The following AZI2 variants were observed in gnomAD, a reference collection of about 807,000 sequenced individuals.
AZI2 encodes 5-azacytidine induced 2.
In AZI2, 22 loss-of-function variants were observed where a neutral mutation model predicts 45.8. That is an observed-to-expected ratio of 0.48 (90% CI 0.34 to 0.69). The LOEUF is 0.69. AZI2 is among the 30% of genes least tolerant of loss of function. The probability of loss-of-function intolerance (pLI) is 0.01; values close to 1 mark genes in which losing one functional copy is unlikely to be tolerated. For missense variants in AZI2, 417 were observed against 441.5 expected (o/e 0.94, Z 0.50); for synonymous variants, 137 against 156.7 (o/e 0.87, Z 0.94).
rs1274835701 is a variant in AZI2 at position 28,324,453 on chromosome 3, G to A, written c.768C>T (p.Ala256=). ...KLKTSTAIKK[A]CAPVGCSEDL... is the part of the protein sequence containing the mutation. The stretch of plus-strand genomic sequence containing the variant: ...CTTCACTGCATCCTACAGGGGCACA[G>A]GCTAAAAAGAAAACACAGACTAAAT... The change falls in exon 8 of 8, where the codon GCC becomes GCT. Residue 256 remains alanine, a splice_region_variant and synonymous_variant. Coordinates refer to ENST00000479665, the MANE Select transcript of AZI2 (RefSeq NM_022461.5). The A allele has an allele frequency of 3.4e-6, 5 of 1,457,548 alleles. No individual in the cohort carries two copies. Among genetic ancestry groups the A allele is most frequent in the Non-Finnish European group, 3.6e-6 (4 of 1,098,782 alleles). The allele number at this position is 1,457,548 out of a possible 1,614,324, so 90.3% of individuals were successfully genotyped here. A position where few individuals can be genotyped will look rare whatever the true frequency, so the allele number is the denominator to read the frequency against.
intron 3 of AZI2, 122 bp downstream of exon 3, chr3:28,338,371 G>A (rs1360058857): frequency 1.8e-6 from 2 of 1,100,446 alleles, no homozygotes; most frequent in African/African-American, 1.6e-5. Flanking sequence ...ATTTTGCCTT[G>A]AACATGTATA....
intron 1 of AZI2, among the ~76,000 whole-genome samples, chr3:28,343,285 T>G (rs1704096653): frequency 6.6e-6 from 1 of 152,028 alleles, no homozygotes; most frequent in Non-Finnish European, 1.5e-5. Flanking sequence ...TTATTTTCAT[T>G]GTACTGTACT....
chr3:28,348,427 G>C (rs1704358086), intron 1 of AZI2, 174 bp downstream of exon 1: 1 of 152,502 alleles, frequency 6.6e-6, no homozygotes, highest in African/African-American at 2.4e-5. Flanking sequence ...GCTGGGTGTG[G>C]GGGTGACTGG....
At chr3:28,328,646 C>G (rs1035390587) in intron 6 of AZI2, among the ~76,000 whole-genome samples, 1 of 151,100 alleles carries the variant, frequency 6.6e-6, no homozygotes, top group Non-Finnish European at 1.5e-5. Context: ...AACTAGGTCA[C>G]TGAGTTTAAT....
intron 7 of AZI2, chr3:28,325,123 A>G (rs2125635677): frequency 7.2e-6 from 1 of 138,080 alleles, no homozygotes; most frequent in African/African-American, 2.7e-5. Context: ...ATGTAGGTAA[A>G]GTAAAAAAAA....
rs568756810 is a variant in AZI2 at position 28,331,627 on chromosome 3, ACACAATT to A, written c.647+735_647+741del. ...CAGGTTTTTGATAGAAATTGGCCTG[ACACAATT>A]CACATTATTTACTTAGGTCAGTAAA... On this transcript the variant is annotated intron_variant, in intron 6 of 7. Coordinates refer to ENST00000479665, the MANE Select transcript of AZI2 (RefSeq NM_022461.5). 14 of 1,173,748 alleles carry A rather than the reference ACACAATT, an allele frequency of 1.2e-5. 1 individual carries two copies. The Admixed American group carries it at 5.6e-4, about 47-fold the overall frequency. The allele number at this position is 1,173,748 out of a possible 1,614,324, so 72.7% of individuals were successfully genotyped here. A position where few individuals can be genotyped will look rare whatever the true frequency, so the allele number is the denominator to read the frequency against.
intron 2 of AZI2, 34 bp downstream of exon 2, chr3:28,340,368 C>A: frequency 7.3e-7 from 1 of 1,368,726 alleles, no homozygotes; most frequent in South Asian, 1.3e-5. Flanking sequence ...TTCCTTATGT[C>A]ACAAACGCAA....
At chr3:28,340,254 T>G in intron 2 of AZI2, 148 bp downstream of exon 2, 1 of 602,670 alleles carries the variant, frequency 1.7e-6, no homozygotes, top group Non-Finnish European at 2.9e-6. Flanking sequence ...AGGATAAGTA[T>G]AATGCCCAGA....
At chr3:28,345,440 T>C (rs1704186367) in intron 1 of AZI2, among the ~76,000 whole-genome samples, 1 of 152,140 alleles carries the variant, frequency 6.6e-6, no homozygotes, top group African/African-American at 2.4e-5. Flanking sequence ...GGCAAATGTA[T>C]CTATATGTAC....
Position 28,340,590 on chromosome 3 carries a change from A to T in AZI2, c.28T>A (p.Cys10Ser). 6.2e-7 allele frequency: 1 copy of T among 1,611,952 alleles called. No individual in the cohort carries two copies. The highest frequency in any genetic ancestry group is 8.5e-7 in the Non-Finnish European group (1 of 1,179,058). MDALVEDDI[C>S]ILNHEKAHKR... ...TGGGCTTTTTCATGATTCAGAATAC[A>T]GATATCATCTTCTACCAGTGCATCC... Residue 10 changes from cysteine (C) to serine (S), a missense_variant, in exon 2 of 8, where the codon TGT (cysteine) becomes AGT (serine). Transcript: ENST00000479665.
chr3:28,345,597 A>G (rs1704193450), intron 1 of AZI2, among the ~76,000 whole-genome samples: 1 of 152,172 alleles, frequency 6.6e-6, no homozygotes, highest in Non-Finnish European at 1.5e-5. Context: ...AATGATAAAA[A>G]AGAAAGGGCA....
At chr3:28,340,926 T>A (rs1280086058) in intron 1 of AZI2, among the ~76,000 whole-genome samples, 1 of 152,046 alleles carries the variant, frequency 6.6e-6, no homozygotes, top group Non-Finnish European at 1.5e-5. Context: ...TATAAAAATC[T>A]GAAATATCAG....
intron 1 of AZI2, among the ~76,000 whole-genome samples, chr3:28,346,507 T>A (rs1392407964): frequency 6.6e-6 from 1 of 152,070 alleles, no homozygotes; most frequent in Non-Finnish European, 1.5e-5. Context: ...ATGGGGAAAT[T>A]GAGGCTCAAA....
At chr3:28,342,132 T>G (rs938896231) in intron 1 of AZI2, among the ~76,000 whole-genome samples, 1 of 152,088 alleles carries the variant, frequency 6.6e-6, no homozygotes, top group Non-Finnish European at 1.5e-5. Context: ...GGGTCTGGTC[T>G]TATATCATTA....
At chr3:28,335,009 A>C (rs1005848619) in intron 5 of AZI2, among the ~76,000 whole-genome samples, 1 of 151,894 alleles carries the variant, frequency 6.6e-6, no homozygotes, top group Non-Finnish European at 1.5e-5. Context: ...AGAAATACAG[A>C]CTCTTGGGCC....
At chr3:28,331,043 T>C (rs1703550435) in intron 6 of AZI2, among the ~76,000 whole-genome samples, 1 of 151,338 alleles carries the variant, frequency 6.6e-6, no homozygotes, top group South Asian at 2.1e-4. Flanking sequence ...GTTAGTTATC[T>C]GATGCCTTCA....
At chr3:28,345,957 G>C (rs1207175920) in intron 1 of AZI2, among the ~76,000 whole-genome samples, 1 of 151,996 alleles carries the variant, frequency 6.6e-6, no homozygotes, top group Admixed American at 6.6e-5. Flanking sequence ...CCAGTCACTA[G>C]TGCTTTCACA....
At chr3:28,341,484 T>C (rs1704014883) in intron 1 of AZI2, 2 of 152,068 alleles carry the variant, frequency 1.3e-5, no homozygotes, top group Admixed American at 6.6e-5. Flanking sequence ...AAACTCTGAC[T>C]CCAAAACCTA....
chr3:28,326,429 C>A, intron 7 of AZI2: 1 of 157,088 alleles, frequency 6.4e-6, no homozygotes, highest in Admixed American at 6.5e-5. Context: ...TCAAAACAAC[C>A]TAAAAAGCTA....
Sources: gnomAD v4.1 joint callset for allele counts (sites outside exome capture counted in the v4.1 genomes callset) on GRCh38, gnomAD v4.1.1 for gene constraint, MANE v1.5 for transcripts, NCBI Gene and HGNC (gene_info 2026-07-23, HGNC 2026-07-21) for gene names.